BEND6: variants seen among roughly 807,000 people sequenced by gnomAD.
The protein encoded by BEND6 is BEN domain-containing protein 6.
In BEND6, 24 loss-of-function variants were observed where a neutral mutation model predicts 31.8. That is an observed-to-expected ratio of 0.75 (90% confidence interval 0.55 to 1.06). The LOEUF is 1.06. Ranked by LOEUF, BEND6 falls within the 50% of genes least tolerant of loss-of-function variation. The pLI is 0.00. For missense variants in BEND6, 294 were observed against 327.4 expected (o/e 0.90, Z 0.79); for synonymous variants, 109 against 114.6 (o/e 0.95, Z 0.31).
intron 1 of BEND6, among the ~76,000 whole-genome samples, chr6:56,969,471 G>C (rs576914168): frequency 6.6e-6 from 1 of 152,254 alleles, no homozygotes; most frequent in South Asian, 2.1e-4. Context: ...TTTATTTAGA[G>C]GGGAGTCTTC....
At chr6:56,964,098 A>G (rs562924832) in intron 1 of BEND6, among the ~76,000 whole-genome samples, 1 of 150,968 alleles carries the variant, frequency 6.6e-6, no homozygotes, top group South Asian at 2.1e-4. Flanking sequence ...ATAATGGGGT[A>G]TTTTATTATT....
chr6:56,986,483 G>T (rs1014096540), intron 2 of BEND6, among the ~76,000 whole-genome samples: 4 of 151,870 alleles, frequency 2.6e-5, no homozygotes, highest in Admixed American at 6.6e-5. Context: ...TAAAATAAAG[G>T]TTGAATGTAA....
In BEND6 at chr6:56,992,361, C is replaced by A; in HGVS notation, c.121-17C>A. 2 of 1,581,634 alleles carry A rather than the reference C, an allele frequency of 1.3e-6. No individual in the cohort carries two copies. Among genetic ancestry groups the A allele is most frequent in the Non-Finnish European group, 1.7e-6 (2 of 1,169,384 alleles). ...ATGCTATGAGGCTTCTTTTATTGTGCCTGCCTTCTATTTTAGAGAGACCCA... is the reference window on the plus strand; with the variant it reads ...ATGCTATGAGGCTTCTTTTATTGTGACTGCCTTCTATTTTAGAGAGACCCA... On this transcript the variant is annotated splice_polypyrimidine_tract_variant and intron_variant, in intron 2 of 6. Coordinates refer to ENST00000370746, the MANE Select transcript of BEND6 (RefSeq NM_152731.3).
At position 56,956,072 on chromosome 6, in the gene BEND6, G is replaced by A. The variant is rs1336291932; in HGVS notation, c.-101+612G>A. 2.0e-5 allele frequency among the ~76,000 whole-genome samples: 3 copies of A among 152,224 alleles called. No individual in the cohort carries two copies. In the East Asian group the frequency reaches 5.8e-4, roughly 29 times the overall value. On this transcript the variant is annotated intron_variant, in intron 1 of 6. Coordinates refer to ENST00000370746, the MANE Select transcript of BEND6 (RefSeq NM_152731.3). Reference sequence around the variant, plus strand: ...TTCTGCGGCATCTTGCGGCCTTGGCGGGCGGTGCTGTGCCGCGTTCTGCTG... The same window carrying A: ...TTCTGCGGCATCTTGCGGCCTTGGCAGGCGGTGCTGTGCCGCGTTCTGCTG...
intron 1 of BEND6, among the ~76,000 whole-genome samples, chr6:56,978,291 T>C (rs896656825): frequency 6.6e-5 from 10 of 151,872 alleles, no homozygotes; most frequent in Admixed American, 6.6e-4. Flanking sequence ...TAAAATAAAA[T>C]AAAATAAAAT....
In BEND6 at chr6:57,018,517, G is replaced by T; in HGVS notation, c.809G>T (p.Ser270Ile). The change falls in exon 6 of 7, where the codon AGC becomes ATC. Residue 270 changes from serine to isoleucine, a missense_variant. Coordinates refer to ENST00000370746, the MANE Select transcript of BEND6 (RefSeq NM_152731.3). ...LNNCTKKPNLSKNLNSQDIK is the reference protein window; with the variant it reads ...LNNCTKKPNLIKNLNSQDIK ...AACTGTACCAAGAAGCCAAATTTAA[G>T]CAAAAATCTTAACTCTCAGGATATT... 1 of 1,573,728 alleles carries T rather than the reference G, an allele frequency of 6.4e-7. No individual in the cohort carries two copies. Among genetic ancestry groups the T allele is most frequent in the Non-Finnish European group, 8.6e-7 (1 of 1,165,736 alleles).
At chr6:56,993,140 AAGAC>A (rs1826572181) in intron 3 of BEND6, among the ~76,000 whole-genome samples, 1 of 152,234 alleles carries the variant, frequency 6.6e-6, no homozygotes, top group South Asian at 2.1e-4. Flanking sequence ...AAAAAGGAGA[AAGAC>A]AGCATAAGCA....
intron 3 of BEND6, among the ~76,000 whole-genome samples, chr6:57,005,852 G>A (rs543053331): frequency 2.6e-4 from 39 of 151,998 alleles, no homozygotes; most frequent in Middle Eastern, 3.4e-3. Context: ...AGAATAAACC[G>A]GCAAGATAAT....
chr6:56,957,423 T>C (rs1364432111), intron 1 of BEND6, among the ~76,000 whole-genome samples: 3 of 152,234 alleles, frequency 2.0e-5, no homozygotes, highest in African/African-American at 7.2e-5. Context: ...AATTTATCAT[T>C]TTTTCCAAAT....
intron 3 of BEND6, among the ~76,000 whole-genome samples, chr6:57,000,111 C>T (rs986258344): frequency 1.6e-4 from 24 of 152,110 alleles, no homozygotes; most frequent in African/African-American, 4.8e-4. Flanking sequence ...CCATCGAGAA[C>T]GGGCCATGAT....
At chr6:57,019,384 A>G (rs1020944505) in intron 6 of BEND6, among the ~76,000 whole-genome samples, 15 of 152,202 alleles carry the variant, frequency 9.9e-5, no homozygotes, top group Non-Finnish European at 1.8e-4. Flanking sequence ...TAATAGAGGC[A>G]TGTGGGTAAC....
intron 5 of BEND6, 122 bp downstream of exon 5, chr6:57,017,521 T>G: frequency 2.5e-6 from 2 of 794,240 alleles, no homozygotes; most frequent in African/African-American, 1.8e-5. Flanking sequence ...AAGAAAAATC[T>G]TAGGATAGTC....
chr6:56,991,017 C>T (rs77673513), intron 2 of BEND6, among the ~76,000 whole-genome samples: 2,269 of 152,260 alleles, frequency 0.015, 55 homozygotes, highest in African/African-American at 0.052. Context: ...TAATTTTTAT[C>T]ATTTTCACCA....
chr6:56,975,406 T>C (rs972554739), intron 1 of BEND6, among the ~76,000 whole-genome samples: 4 of 152,208 alleles, frequency 2.6e-5, no homozygotes, highest in Non-Finnish European at 5.9e-5. Context: ...AAAAAAATAC[T>C]GTGATAAACT....
At chr6:56,998,104 G>A (rs1048912955) in intron 3 of BEND6, among the ~76,000 whole-genome samples, 1 of 152,138 alleles carries the variant, frequency 6.6e-6, no homozygotes, top group African/African-American at 2.4e-5. Context: ...TACGTTTTGA[G>A]GGAGAGGGAG....
chr6:57,012,355 A>G (rs1018863018), intron 3 of BEND6, among the ~76,000 whole-genome samples: 1 of 152,256 alleles, frequency 6.6e-6, no homozygotes, highest in Non-Finnish European at 1.5e-5. Context: ...GAATTCTAGA[A>G]CAAGTAAAAT....
At chr6:56,965,703 T>TATGC (rs1417917163) in intron 1 of BEND6, among the ~76,000 whole-genome samples, 1 of 146,160 alleles carries the variant, frequency 6.8e-6, no homozygotes, top group African/African-American at 2.5e-5. Context: ...TATATATATA[T>TATGC]GCGATATTAA....
At chr6:57,007,873 A>C (rs1481233380) in intron 3 of BEND6, among the ~76,000 whole-genome samples, 1 of 152,180 alleles carries the variant, frequency 6.6e-6, no homozygotes, top group Admixed American at 6.5e-5. Context: ...CTGGAGGCCC[A>C]ATAACAGGAA....
At chr6:56,989,546 G>A (rs1248408777) in intron 2 of BEND6, among the ~76,000 whole-genome samples, 1 of 152,182 alleles carries the variant, frequency 6.6e-6, no homozygotes, top group Non-Finnish European at 1.5e-5. Context: ...GCTTTCCAGA[G>A]TAGTTCTGCC....
Sources: allele counts gnomAD v4.1 joint callset (sites outside exome capture counted in the v4.1 genomes callset), GRCh38; gene constraint gnomAD v4.1.1; transcripts MANE v1.5; gene names NCBI Gene and HGNC (gene_info 2026-07-23, HGNC 2026-07-21).